The following DLGAP2 variants were observed in gnomAD, a reference collection of about 807,000 sequenced individuals.
DLGAP2 encodes disks large-associated protein 2.
DLGAP2 carries 26 observed loss-of-function variants against 100.3 expected under a neutral mutation model. The observed-to-expected ratio is 0.26, with a 90% CI of 0.19 to 0.36. The LOEUF (loss-of-function observed/expected upper bound fraction) is 0.36, where lower values mean the gene tolerates loss of function less well. Among genes scored for constraint, DLGAP2 ranks in the 10% least tolerant of loss-of-function variants. The probability of loss-of-function intolerance (pLI) is 1.00; values close to 1 mark genes in which losing one functional copy is unlikely to be tolerated. For missense variants in DLGAP2, 1,858 were observed against 1,453.2 expected (o/e 1.28, Z -4.53); for synonymous variants, 886 against 630.1 (o/e 1.41, Z -6.08).
At chr8:854,771 C>G (rs929234015) in intron 1 of DLGAP2, among the ~76,000 whole-genome samples, 1 of 152,156 alleles carries the variant, frequency 6.6e-6, no homozygotes, top group Non-Finnish European at 1.5e-5. Flanking sequence ...TAGGGCCTGC[C>G]TCAGTGGCAG....
chr8:1,661,012 C>G (rs753192443), intron 8 of DLGAP2, among the ~76,000 whole-genome samples: 6 of 152,222 alleles, frequency 3.9e-5, no homozygotes, highest in Non-Finnish European at 5.9e-5. Flanking sequence ...CAGGGAGAAA[C>G]TTCACCTGTT....
intron 3 of DLGAP2, among the ~76,000 whole-genome samples, chr8:1,490,939 G>T (rs1180392067): frequency 1.3e-5 from 2 of 150,172 alleles, no homozygotes; most frequent in Non-Finnish European, 3.0e-5. Context: ...ATGAGTTAAT[G>T]GGTGCAGCAC....
intron 8 of DLGAP2, among the ~76,000 whole-genome samples, chr8:1,662,324 G>A (rs1206800712): frequency 6.6e-6 from 1 of 152,084 alleles, no homozygotes; most frequent in East Asian, 1.9e-4. Flanking sequence ...GGAGTGTCAG[G>A]GTATAATCTT....
At chr8:1,589,703 C>A (rs1796233559) in intron 6 of DLGAP2, among the ~76,000 whole-genome samples, 1 of 152,214 alleles carries the variant, frequency 6.6e-6, no homozygotes, top group Non-Finnish European at 1.5e-5. Flanking sequence ...CCGCCCAAGG[C>A]TGTTTTTAAA....
intron 3 of DLGAP2, among the ~76,000 whole-genome samples, chr8:1,294,005 C>G (rs971977356): frequency 6.6e-6 from 1 of 152,204 alleles, no homozygotes; most frequent in Non-Finnish European, 1.5e-5. Context: ...GTCTCGGAGC[C>G]CACACGTGAA....
rs1049690847 is a variant in DLGAP2 at position 1,351,346 on chromosome 8, C to T, written c.106+92463C>T. 4.4e-3 allele frequency among the ~76,000 whole-genome samples: 71 copies of T among 16,008 alleles called. 1 individual carries two copies. Among genetic ancestry groups the T allele is most frequent in the Admixed American group, 7.9e-3 (6 of 762 alleles). The allele number at this position is 16,008 out of a possible 152,430, so 10.5% of individuals were successfully genotyped here. On this transcript the variant is annotated intron_variant, in intron 3 of 14. Transcript: ENST00000637795. Reference sequence around the variant, plus strand: ...GGCCGTGCGGGTCCTGAGTGTGGAACGGCCGTGCGGGTCCTGACTGTGTGT... The same window carrying T: ...GGCCGTGCGGGTCCTGAGTGTGGAATGGCCGTGCGGGTCCTGACTGTGTGT...
chr8:779,219 C>T (rs1180895730), intron 1 of DLGAP2, among the ~76,000 whole-genome samples: 2 of 152,246 alleles, frequency 1.3e-5, no homozygotes, highest in Admixed American at 6.5e-5. Flanking sequence ...TGCGCGCACC[C>T]ACTGACCTGT....
chr8:821,873 C>T (rs565928389), intron 1 of DLGAP2, among the ~76,000 whole-genome samples: 36 of 152,366 alleles, frequency 2.4e-4, no homozygotes, highest in Non-Finnish European at 4.0e-4. Flanking sequence ...CCTGGATCCA[C>T]GCACACAGCG....
chr8:1,701,098 G>A (rs1431665011), intron 14 of DLGAP2, 90 bp from the exon 15 acceptor site: 2 of 1,227,700 alleles, frequency 1.6e-6, no homozygotes, highest in Non-Finnish European at 2.3e-6. Context: ...GGTCGGGAAG[G>A]GTCAGGCCAG....
At chr8:1,538,632 C>T (rs368672811) in intron 4 of DLGAP2, among the ~76,000 whole-genome samples, 7 of 152,270 alleles carry the variant, frequency 4.6e-5, no homozygotes, top group Admixed American at 3.3e-4. Flanking sequence ...CCATGCTCAC[C>T]GCTTGCTTTC....
At chr8:761,833 CCTGGCG>C (rs1281029824) in intron 1 of DLGAP2, among the ~76,000 whole-genome samples, 4 of 152,210 alleles carry the variant, frequency 2.6e-5, no homozygotes, top group African/African-American at 9.6e-5. Context: ...AGCTGTCCAG[CCTGGCG>C]TGCGACACCC....
chr8:1,222,727 T>C (rs1798340838), intron 2 of DLGAP2, among the ~76,000 whole-genome samples: 1 of 152,084 alleles, frequency 6.6e-6, no homozygotes, highest in Admixed American at 6.6e-5. Context: ...AGAAGTGCTC[T>C]GATGGTCAGA....
intron 3 of DLGAP2, among the ~76,000 whole-genome samples, chr8:1,494,690 T>G (rs546537777): frequency 2.0e-5 from 3 of 151,862 alleles, no homozygotes; most frequent in African/African-American, 7.3e-5. Context: ...ATTGTGCCAT[T>G]GCACTCCAGC....
chr8:1,151,416 G>A (rs1796694529), intron 2 of DLGAP2, among the ~76,000 whole-genome samples: 1 of 152,228 alleles, frequency 6.6e-6, no homozygotes. Flanking sequence ...AGAAGTCACT[G>A]TACAGAGGAA....
At position 1,707,780 on chromosome 8, in the gene DLGAP2, AATATAT is replaced by A. The variant is rs1799746210; in HGVS notation, c.*6380_*6385del. ...GTTTAAAGTTTTAAAGAAGTATATA[AATATAT>A]ATATAAATATAAATATGAAATCATA... On this transcript the variant is annotated 3_prime_UTR_variant, in exon 15 of 15. Coordinates refer to ENST00000637795, the MANE Select transcript of DLGAP2 (RefSeq NM_001346810.2). 6.6e-6 allele frequency: 1 copy of A among 152,340 alleles called. No homozygotes were observed. The highest frequency in any genetic ancestry group is 1.5e-5 in the Non-Finnish European group (1 of 68,014). The allele number at this position is 152,340 out of a possible 1,614,324, so 9.4% of individuals were successfully genotyped here. A position where few individuals can be genotyped will look rare whatever the true frequency, so the allele number is the denominator to read the frequency against.
intron 1 of DLGAP2, among the ~76,000 whole-genome samples, chr8:778,105 A>G (rs567702315): frequency 0.012 from 1,754 of 151,734 alleles, 46 homozygotes; most frequent in African/African-American, 0.04. Flanking sequence ...TTCATCTTCC[A>G]CCGCTGATAC....
At chr8:749,458 GT>G (rs541042942) in intron 1 of DLGAP2, among the ~76,000 whole-genome samples, 4 of 149,430 alleles carry the variant, frequency 2.7e-5, no homozygotes, top group East Asian at 2.0e-4. Flanking sequence ...AAATTACCTT[GT>G]TTTTTTTTCA....
In DLGAP2 at chr8:737,735, C is replaced by G. The variant is rs1387368980; in HGVS notation, c.-73C>G. 2.7e-6 allele frequency: 1 copy of G among 375,072 alleles called. No individual in the cohort carries two copies. Among genetic ancestry groups the G allele is most frequent in the Non-Finnish European group, 4.7e-6 (1 of 210,594 alleles). The allele number at this position is 375,072 out of a possible 1,614,324, so 23.2% of individuals were successfully genotyped here. On this transcript the variant is annotated 5_prime_UTR_variant, in exon 1 of 15. Transcript: ENST00000637795. Reference sequence around the variant, plus strand: ...CGTACTGACCCCAACCCGCGAGCCCCGGGAGCCGTCGGTCTGAGGAGGGGC... The same window carrying G: ...CGTACTGACCCCAACCCGCGAGCCCGGGGAGCCGTCGGTCTGAGGAGGGGC...
At chr8:1,096,105 A>G (rs539371123) in intron 2 of DLGAP2, among the ~76,000 whole-genome samples, 1 of 152,364 alleles carries the variant, frequency 6.6e-6, no homozygotes, top group South Asian at 2.1e-4. Flanking sequence ...TTTTCCATTT[A>G]CATCACACAA....
Sources: allele counts gnomAD v4.1 joint callset (sites outside exome capture counted in the v4.1 genomes callset), GRCh38; gene constraint gnomAD v4.1.1; transcripts MANE v1.5; gene names NCBI Gene and HGNC (gene_info 2026-07-23, HGNC 2026-07-21).